The following ZFYVE16 variants were observed in gnomAD, a reference collection of about 807,000 sequenced individuals.
ZFYVE16 encodes the protein zinc finger FYVE-type containing 16, also known as zinc finger FYVE domain-containing protein 16.
ZFYVE16 carries 89 observed loss-of-function variants against 138.1 expected under a neutral mutation model. The observed-to-expected ratio is 0.64, with a 90% CI of 0.54 to 0.77. The LOEUF (loss-of-function observed/expected upper bound fraction) is 0.77, where lower values mean the gene tolerates loss of function less well. Ranked by LOEUF, ZFYVE16 falls within the 30% of genes least tolerant of loss-of-function variation. The pLI is 0.00. For synonymous variants in ZFYVE16, 596 were observed against 618.3 expected (o/e 0.96, Z 0.53); for missense variants, 1,793 against 1,786.7 (o/e 1.00, Z -0.06).
chr5:80,441,091 A>G, intron 5 of ZFYVE16: 5 of 985,308 alleles, frequency 5.1e-6, no homozygotes, highest in Non-Finnish European at 6.0e-6. Flanking sequence ...GTTTTTTCTT[A>G]TGCTGTTTCA....
intron 2 of ZFYVE16, 84 bp from the exon 3 acceptor site, chr5:80,434,025 T>C: frequency 1.1e-6 from 1 of 898,724 alleles, no homozygotes; most frequent in Non-Finnish European, 1.7e-6. Flanking sequence ...GTCAATTTCT[T>C]GACTGTGTTT....
chr5:80,473,788 G>A lies in ZFYVE16; in HGVS notation c.4222G>A (p.Gly1408Arg). 6.2e-7 allele frequency: 1 copy of A among 1,612,680 alleles called. No homozygotes were observed. The highest frequency in any genetic ancestry group is 8.5e-7 in the Non-Finnish European group (1 of 1,179,178). ...TTCAGTGGATGGAATATCATTACAA[G>A]GATTTCCAAGTGAAAAAATAAAACT... Reference protein sequence around the residue: ...ISSVDGISLQGFPSEKIKLEA... With the variant: ...ISSVDGISLQRFPSEKIKLEA... The change falls in exon 17 of 19, where the codon GGA (glycine) becomes AGA (arginine). Residue 1408 changes from glycine to arginine, a missense_variant. Around this residue, in one of 2 missense-constraint regions of ZFYVE16, gnomAD observed 498 missense variants for 582.4 expected, o/e 0.86. Coordinates refer to ENST00000505560, the MANE Select transcript of ZFYVE16 (RefSeq NM_001284236.3).
rs1401020226 is a variant in ZFYVE16 at position 80,438,773 on chromosome 5, T to A, written c.2088T>A (p.Asp696Glu). 6.2e-7 allele frequency: 1 copy of A among 1,614,102 alleles called. No homozygotes were observed. Among genetic ancestry groups the A allele is most frequent in the South Asian group, 1.1e-5 (1 of 91,084 alleles). ...PITCAIDSTA[D>E]PQVSFNSNYI... ...CTTGTGCTATAGATTCTACAGCTGA[T>A]CCACAGGTTAGCTTCAACTCTAATT... Residue 696 changes from aspartate (D) to glutamate (E), a missense_variant, in exon 4 of 19, where the codon GAT (aspartate) becomes GAA (glutamate). Asp to Glu is a conservative substitution (Grantham distance 45, BLOSUM62 2). This residue lies in a region of ZFYVE16 where 1,295 missense variants were observed against 1,204.3 expected (regional missense o/e 1.08). Coordinates refer to ENST00000505560, the MANE Select transcript of ZFYVE16 (RefSeq NM_001284236.3).
chr5:80,440,935 A>T (rs981935343), intron 5 of ZFYVE16: 5 of 985,284 alleles, frequency 5.1e-6, no homozygotes, highest in Non-Finnish European at 6.0e-6. Context: ...AAAAGCTCTG[A>T]TGTGAGTCTG....
intron 15 of ZFYVE16, among the ~76,000 whole-genome samples, chr5:80,467,943 T>G (rs1201446851): frequency 6.6e-6 from 1 of 152,078 alleles, no homozygotes; most frequent in African/African-American, 2.4e-5. Context: ...AATGATCAAA[T>G]TATAAGAAAA....
At chr5:80,468,016 T>C (rs917996549) in intron 15 of ZFYVE16, among the ~76,000 whole-genome samples, 4 of 152,100 alleles carry the variant, frequency 2.6e-5, no homozygotes, top group African/African-American at 9.7e-5. Flanking sequence ...CATGGTGGCA[T>C]GCACCTGTAC....
At chr5:80,465,396 C>G (rs144133163) in intron 15 of ZFYVE16, among the ~76,000 whole-genome samples, 485 of 26,398 alleles carry the variant, frequency 0.018, 1 homozygote, top group Non-Finnish European at 0.041. Flanking sequence ...TTTTCCTTTT[C>G]TTTGTTTTTT....
chr5:80,444,672 G>A (rs1034044394), intron 6 of ZFYVE16, among the ~76,000 whole-genome samples: 12 of 151,500 alleles, frequency 7.9e-5, no homozygotes, highest in African/African-American at 2.9e-4. Flanking sequence ...AATGTCCTGT[G>A]GTAGTAAGAA....
At chr5:80,470,091 G>A (rs867855042) in intron 15 of ZFYVE16, among the ~76,000 whole-genome samples, 1,605 of 65,440 alleles carry the variant, frequency 0.025, 23 homozygotes, top group Middle Eastern at 0.059. Context: ...GTGTGTGTGT[G>A]TGTGTGTGTA....
chr5:80,450,623 A>G, intron 10 of ZFYVE16, 37 bp downstream of exon 10: 1 of 1,589,586 alleles, frequency 6.3e-7, no homozygotes. Context: ...AGACTGGGGA[A>G]TGGATAAATT....
At position 80,480,176 on chromosome 5, in the gene ZFYVE16, G is replaced by A. The variant is rs1200173650; in HGVS notation, c.*2799G>A. Among the ~76,000 whole-genome samples, 1 of 152,086 alleles carries A rather than the reference G, an allele frequency of 6.6e-6. No individual in the cohort carries two copies. The highest frequency in any genetic ancestry group is 1.5e-5 in the Non-Finnish European group (1 of 68,030). ...CAATGAAAACAAACTCACAGATATAGGTATTAGATTTGTTTTCTTTGTTTA... is the reference window on the plus strand; with the variant it reads ...CAATGAAAACAAACTCACAGATATAAGTATTAGATTTGTTTTCTTTGTTTA... On this transcript the variant is annotated 3_prime_UTR_variant, in exon 19 of 19. Coordinates refer to ENST00000505560, the MANE Select transcript of ZFYVE16 (RefSeq NM_001284236.3).
chr5:80,417,980 T>C lies in ZFYVE16; in HGVS notation c.-93-9512T>C, dbSNP rs1561229384. 2.0e-5 allele frequency among the ~76,000 whole-genome samples: 3 copies of C among 152,190 alleles called. No individual in the cohort carries two copies. The South Asian group carries it at 6.2e-4, about 32-fold the overall frequency. On this transcript the variant is annotated intron_variant, in intron 1 of 18. Coordinates refer to ENST00000505560, the MANE Select transcript of ZFYVE16 (RefSeq NM_001284236.3). ...CTTGTTTGGCATTGTCACAGTGACA[T>C]TCTAGTAGATGTGAAGTGGATATCT...
At chr5:80,460,370 T>C (rs1376168558) in intron 15 of ZFYVE16, among the ~76,000 whole-genome samples, 1 of 152,204 alleles carries the variant, frequency 6.6e-6, no homozygotes, top group Non-Finnish European at 1.5e-5. Context: ...ATTTTATGTA[T>C]TTTATATTCC....
At chr5:80,445,691 G>A (rs1170765485) in intron 7 of ZFYVE16, among the ~76,000 whole-genome samples, 1 of 151,640 alleles carries the variant, frequency 6.6e-6, no homozygotes, top group Non-Finnish European at 1.5e-5. Flanking sequence ...CTCCCAAGTA[G>A]CTGGGATCAC....
chr5:80,457,763 C>T (rs778956432), intron 14 of ZFYVE16, among the ~76,000 whole-genome samples: 5 of 152,034 alleles, frequency 3.3e-5, no homozygotes, highest in Non-Finnish European at 7.4e-5. Context: ...CACAGTGGCT[C>T]ACGCCTGTAA....
chr5:80,472,619 G>T, intron 15 of ZFYVE16, 142 bp from the exon 16 acceptor site: 1 of 873,648 alleles, frequency 1.1e-6, no homozygotes, highest in Admixed American at 3.0e-5. Flanking sequence ...TTATTTCCTA[G>T]TGGAAAACAA....
rs549960724 is a variant in ZFYVE16 at position 80,464,630 on chromosome 5, G to C, written c.4024+5136G>C. ...TTCCCTTATAATCCTTTATTTCTGT[G>C]AGGTTGGTAGTAATGTCCCCTCATG... is the stretch of plus-strand genomic sequence containing the variant. On this transcript the variant is annotated intron_variant, in intron 15 of 18. Transcript: ENST00000505560. Among the ~76,000 whole-genome samples the C allele has an allele frequency of 7.4e-4, 113 of 152,232 alleles. 1 individual carries two copies. The South Asian group carries it at 0.023, about 31-fold the overall frequency.
intron 4 of ZFYVE16, 32 bp from the exon 5 acceptor site, chr5:80,439,904 C>A: frequency 6.3e-7 from 1 of 1,577,748 alleles, no homozygotes; most frequent in South Asian, 1.2e-5. Flanking sequence ...ATTCTTGAAA[C>A]AAAGACAAAT....
intron 17 of ZFYVE16, among the ~76,000 whole-genome samples, chr5:80,474,415 G>C (rs1479191409): frequency 6.6e-6 from 1 of 152,098 alleles, no homozygotes; most frequent in African/African-American, 2.4e-5. Context: ...GACTCATACT[G>C]ATTTAATAAG....
Sources: gnomAD v4.1 joint callset for allele counts (sites outside exome capture counted in the v4.1 genomes callset) on GRCh38, gnomAD v4.1.1 for gene constraint, gnomAD v4.1.1 regional missense constraint, MANE v1.5 for transcripts, NCBI Gene and HGNC (gene_info 2026-07-23, HGNC 2026-07-21) for gene names.